CD247: variants seen among roughly 807,000 people sequenced by gnomAD.
The protein encoded by CD247 is CD247 molecule.
In CD247, 13 loss-of-function variants were observed where a neutral mutation model predicts 30.0. The ratio of observed to expected loss-of-function variants is 0.43; its 90% CI spans 0.28 to 0.69. The LOEUF (loss-of-function observed/expected upper bound fraction) is 0.69, where lower values mean the gene tolerates loss of function less well. CD247 is among the 30% of genes least tolerant of loss of function. The probability of loss-of-function intolerance (pLI) is 0.16; values close to 1 mark genes in which losing one functional copy is unlikely to be tolerated. For missense variants in CD247, 193 were observed against 212.6 expected (o/e 0.91, Z 0.57); for synonymous variants, 72 against 80.0 (o/e 0.90, Z 0.53).
intron 1 of CD247, among the ~76,000 whole-genome samples, chr1:167,448,057 C>T (rs779360313): frequency 9.9e-5 from 15 of 152,144 alleles, no homozygotes; most frequent in Admixed American, 2.0e-4. Flanking sequence ...AGACCATCCC[C>T]CTCAGTGGGT....
chr1:167,463,835 C>T (rs878923219), intron 1 of CD247, among the ~76,000 whole-genome samples: 1 of 152,160 alleles, frequency 6.6e-6, no homozygotes, highest in Admixed American at 6.5e-5. Context: ...ATGAATTTTC[C>T]TTTTTCTGTG....
chr1:167,511,162 G>C (rs1655371249), intron 1 of CD247, among the ~76,000 whole-genome samples: 1 of 152,170 alleles, frequency 6.6e-6, no homozygotes, highest in South Asian at 2.1e-4. Flanking sequence ...GGAGGAGTTA[G>C]TGAAAAAACA....
intron 6 of CD247, among the ~76,000 whole-genome samples, chr1:167,433,451 G>A (rs759355699): frequency 2.6e-5 from 4 of 152,140 alleles, no homozygotes; most frequent in Non-Finnish European, 5.9e-5. Flanking sequence ...CTCTGGCATA[G>A]TCAGTTCAAT....
chr1:167,493,351 T>C (rs1315515938), intron 1 of CD247, among the ~76,000 whole-genome samples: 2 of 152,130 alleles, frequency 1.3e-5, no homozygotes, highest in African/African-American at 4.8e-5. Flanking sequence ...CCAGTTTTTC[T>C]CCTTTTGTCC....
intron 1 of CD247, among the ~76,000 whole-genome samples, chr1:167,459,027 C>T (rs1019121570): frequency 1.3e-5 from 2 of 150,492 alleles, no homozygotes; most frequent in Admixed American, 6.6e-5. Context: ...CCCAGCTACT[C>T]GGGAGGTTGA....
chr1:167,440,321 G>A (rs1035190141), intron 2 of CD247: 1 of 367,386 alleles, frequency 2.7e-6, no homozygotes, highest in Non-Finnish European at 5.2e-6. Flanking sequence ...GGCTAACATG[G>A]CCTTCATTCA....
intron 1 of CD247, among the ~76,000 whole-genome samples, chr1:167,446,070 C>A (rs139326128): frequency 1.3e-5 from 2 of 152,162 alleles, no homozygotes; most frequent in African/African-American, 2.4e-5. Flanking sequence ...AGTGGCAAAG[C>A]TGGAAGGGAA....
chr1:167,436,374 G>A (rs1651544018), intron 4 of CD247, among the ~76,000 whole-genome samples: 1 of 152,206 alleles, frequency 6.6e-6, no homozygotes, highest in South Asian at 2.1e-4. Flanking sequence ...GCAGGGAAAA[G>A]CTGAAGCCTT....
intron 2 of CD247, chr1:167,439,616 G>T (rs1351171956): frequency 3.4e-6 from 2 of 591,648 alleles, no homozygotes; most frequent in South Asian, 2.0e-5. Context: ...CCTGTGACAC[G>T]TGCATTCATC....
At chr1:167,433,292 G>T (rs1241618994) in intron 6 of CD247, among the ~76,000 whole-genome samples, 2 of 152,210 alleles carry the variant, frequency 1.3e-5, no homozygotes, top group East Asian at 3.9e-4. Context: ...ACCCCACTCA[G>T]ATCCTCACAG....
intron 4 of CD247, among the ~76,000 whole-genome samples, 174 bp from the exon 5 acceptor site, chr1:167,435,608 A>G (rs1651508427): frequency 2.0e-5 from 3 of 152,160 alleles, no homozygotes; most frequent in Non-Finnish European, 4.4e-5. Context: ...CCCTCATGGC[A>G]CTACATGGCT....
intron 1 of CD247, among the ~76,000 whole-genome samples, chr1:167,484,211 G>T (rs1050407260): frequency 6.6e-6 from 1 of 152,164 alleles, no homozygotes; most frequent in South Asian, 2.1e-4. Context: ...GGGTAATTTG[G>T]CCTTTTAGAG....
At chr1:167,460,319 C>T (rs533122934) in intron 1 of CD247, among the ~76,000 whole-genome samples, 34 of 152,232 alleles carry the variant, frequency 2.2e-4, no homozygotes, top group African/African-American at 7.5e-4. Context: ...GGAGGATCAC[C>T]TGAGCCCGAG....
chr1:167,494,771 T>C lies in CD247; in HGVS notation c.58+23637A>G, dbSNP rs1654612422. On this transcript the variant is annotated intron_variant, in intron 1 of 7. Coordinates refer to ENST00000362089, the MANE Select transcript of CD247 (RefSeq NM_198053.3). This position sits in a 1 kb window ranked among gnomAD's most constrained non-coding sequence, Gnocchi z 7.3. ...AAATGTTTATTAAAGAATGTGAAGG[T>C]CTCATCAAAAACCAAGCATGAGAGG... Among the ~76,000 whole-genome samples, 1 of 152,046 alleles carries C rather than the reference T, an allele frequency of 6.6e-6. No individual in the cohort carries two copies. Among genetic ancestry groups the C allele is most frequent in the Non-Finnish European group, 1.5e-5 (1 of 68,000 alleles).
intron 1 of CD247, among the ~76,000 whole-genome samples, chr1:167,466,864 A>G (rs562530782): frequency 5.4e-5 from 8 of 149,226 alleles, no homozygotes; most frequent in East Asian, 2.0e-4. Flanking sequence ...TTTTGAGACG[A>G]AGTCTCGCTC....
intron 1 of CD247, among the ~76,000 whole-genome samples, chr1:167,445,829 C>A (rs1295519645): frequency 6.6e-6 from 1 of 152,208 alleles, no homozygotes; most frequent in Non-Finnish European, 1.5e-5. Flanking sequence ...CCTTCTCCAG[C>A]AAATCCTGTT....
In CD247 at chr1:167,434,027, T is replaced by C. The variant is rs756340039; in HGVS notation, c.386A>G (p.Lys129Arg). The change falls in exon 6 of 8, where the codon AAA becomes AGA. Residue 129 changes from lysine to arginine, a missense_variant. Lys to Arg is a conservative substitution (Grantham distance 26). Transcript: ENST00000362089. ...MAEAYSEIGMKGERRRGKGHD... is the reference protein window; with the variant it reads ...MAEAYSEIGMRGERRRGKGHD... Reference sequence around the variant, plus strand: ...AGAAACAGCAACACTCACCTCGCCTTTCATCCCAATCTCACTGTAGGCCTC... The same window carrying C: ...AGAAACAGCAACACTCACCTCGCCTCTCATCCCAATCTCACTGTAGGCCTC... 1.9e-6 allele frequency: 3 copies of C among 1,613,822 alleles called. No individual in the cohort carries two copies. The highest frequency in any genetic ancestry group is 2.5e-6 in the Non-Finnish European group (3 of 1,179,800).
intron 1 of CD247, among the ~76,000 whole-genome samples, chr1:167,476,584 A>G (rs891660882): frequency 2.6e-5 from 4 of 152,208 alleles, no homozygotes; most frequent in Non-Finnish European, 1.5e-5. Context: ...GCACTTTGGG[A>G]GGCCTAGGCG....
At chr1:167,446,152 G>T (rs895184201) in intron 1 of CD247, among the ~76,000 whole-genome samples, 1 of 152,138 alleles carries the variant, frequency 6.6e-6, no homozygotes, top group African/African-American at 2.4e-5. Flanking sequence ...ATGGGCTCAG[G>T]ATCCGGAGTT....
Sources: allele counts gnomAD v4.1 joint callset (sites outside exome capture counted in the v4.1 genomes callset), GRCh38; gene constraint gnomAD v4.1.1; non-coding constraint Gnocchi (gnomAD v3.1); transcripts MANE v1.5; gene names NCBI Gene and HGNC (gene_info 2026-07-23, HGNC 2026-07-21).